Variants in SSBP3 observed in about 807,000 individuals in gnomAD.
SSBP3 encodes the protein single-stranded DNA-binding protein 3.
SSBP3 carries 5 observed loss-of-function variants against 69.6 expected under a neutral mutation model. That is an observed-to-expected ratio of 0.07 (90% CI 0.04 to 0.15). SSBP3 has a LOEUF of 0.15. Ranked by LOEUF, SSBP3 falls within the 10% of genes least tolerant of loss-of-function variation. The pLI is 1.00. For synonymous variants in SSBP3, 196 were observed against 193.4 expected (o/e 1.01, Z -0.11); for missense variants, 312 against 534.0 (o/e 0.58, Z 4.10).
Position 54,325,904 on chromosome 1 carries a change from G to A in SSBP3, c.277-44377C>T, listed in dbSNP as rs561270417. 1.1e-4 allele frequency among the ~76,000 whole-genome samples: 17 copies of A among 152,220 alleles called. No individual in the cohort carries two copies. In the South Asian group the frequency reaches 3.5e-3, roughly 32 times the overall value. ...CAAAGATAATCAAAGGGAAAATCCT[G>A]CTTGACATCAGGGGATTGTACTCTC... On this transcript the variant is annotated intron_variant, in intron 4 of 17. Transcript: ENST00000610401.
At chr1:54,343,544 C>T (rs189922303) in intron 4 of SSBP3, among the ~76,000 whole-genome samples, 62 of 152,360 alleles carry the variant, frequency 4.1e-4, no homozygotes, top group Middle Eastern at 6.8e-3. Flanking sequence ...GGGAGCAGGT[C>T]TGCCTCTGAA....
At chr1:54,232,709 C>A (rs938144139) in intron 14 of SSBP3, among the ~76,000 whole-genome samples, 1 of 151,694 alleles carries the variant, frequency 6.6e-6, no homozygotes, top group African/African-American at 2.4e-5. Flanking sequence ...TCTCCTGCCT[C>A]AGCCTGCCGA....
At chr1:54,250,781 T>C (rs1378203060) in intron 9 of SSBP3, among the ~76,000 whole-genome samples, 1 of 152,144 alleles carries the variant, frequency 6.6e-6, no homozygotes, top group South Asian at 2.1e-4. Context: ...ACGGCTACTA[T>C]AGGAAACAGA....
At chr1:54,245,532 C>T (rs866589954) in intron 9 of SSBP3, among the ~76,000 whole-genome samples, 16 of 152,328 alleles carry the variant, frequency 1.1e-4, no homozygotes, top group African/African-American at 3.8e-4. Flanking sequence ...AATCTCACCA[C>T]CCTGGGGCCA....
intron 4 of SSBP3, among the ~76,000 whole-genome samples, chr1:54,366,860 C>T (rs796617484): frequency 3.3e-5 from 5 of 152,106 alleles, no homozygotes; most frequent in South Asian, 4.1e-4. Flanking sequence ...CTTCCTGGAC[C>T]GAAAGCTTGG....
intron 9 of SSBP3, among the ~76,000 whole-genome samples, chr1:54,249,907 C>T (rs879074440): frequency 2.0e-5 from 3 of 152,082 alleles, no homozygotes; most frequent in Admixed American, 6.5e-5. Flanking sequence ...ATGGGCTGGG[C>T]GGTGGCATTC....
chr1:54,289,997 C>T (rs1645575457), intron 4 of SSBP3, among the ~76,000 whole-genome samples: 1 of 152,186 alleles, frequency 6.6e-6, no homozygotes, highest in Admixed American at 6.5e-5. Flanking sequence ...TCCACAGTCA[C>T]TACCAGAACT....
At chr1:54,256,097 G>A (rs981014992) in intron 7 of SSBP3, among the ~76,000 whole-genome samples, 1 of 151,732 alleles carries the variant, frequency 6.6e-6, no homozygotes, top group African/African-American at 2.4e-5. Context: ...AAGACAATTG[G>A]AGACCCCTGG....
intron 4 of SSBP3, among the ~76,000 whole-genome samples, chr1:54,318,433 T>C (rs895543610): frequency 4.6e-5 from 7 of 152,070 alleles, no homozygotes; most frequent in Admixed American, 4.6e-4. Flanking sequence ...CAGGGTAGGA[T>C]TAAGTTTTTT....
At chr1:54,256,603 C>T (rs1382481167) in intron 7 of SSBP3, among the ~76,000 whole-genome samples, 1 of 152,184 alleles carries the variant, frequency 6.6e-6, no homozygotes, top group East Asian at 1.9e-4. Context: ...GGGAAGCAGG[C>T]AGACATTGCT....
chr1:54,370,272 C>A (rs934617035), intron 4 of SSBP3, among the ~76,000 whole-genome samples: 10 of 152,186 alleles, frequency 6.6e-5, no homozygotes, highest in African/African-American at 2.4e-5. Flanking sequence ...ATCCAAACGA[C>A]CAGGAAACAA....
intron 4 of SSBP3, among the ~76,000 whole-genome samples, chr1:54,377,964 C>G (rs576916294): frequency 7.1e-4 from 108 of 152,202 alleles, no homozygotes; most frequent in African/African-American, 2.5e-3. Context: ...AAAAATACTT[C>G]CAGCAATAAT....
At position 54,258,619 on chromosome 1, in the gene SSBP3, G is replaced by A. The variant is rs1327496868; in HGVS notation, c.367-470C>T. On this transcript the variant is annotated intron_variant, in intron 5 of 17. Coordinates refer to ENST00000610401, the Ensembl canonical transcript of SSBP3. This position sits in a 1 kb window ranked among gnomAD's most constrained non-coding sequence, Gnocchi z 4.5. ...AGGAGCTCACAGTCTGGGGGACAGT[G>A]ACACGGCTATGGGTGACTCGAGGCA... is the stretch of plus-strand genomic sequence containing the variant. Among the ~76,000 whole-genome samples, 4 of 152,188 alleles carry A rather than the reference G, an allele frequency of 2.6e-5. No homozygotes were observed. The highest frequency in any genetic ancestry group is 2.9e-5 in the Non-Finnish European group (2 of 68,042).
Position 54,396,009 on chromosome 1 carries a change from G to A in SSBP3, c.276+5852C>T, listed in dbSNP as rs1198611632. ...AGTTCGAGACCAGCCTGGCCAAGAT[G>A]GCGAAACCCTGTCTCTACTAAAAAT... On this transcript the variant is annotated intron_variant, in intron 4 of 17. Coordinates refer to ENST00000610401, the Ensembl canonical transcript of SSBP3. Among the ~76,000 whole-genome samples, 3 of 152,090 alleles carry A rather than the reference G, an allele frequency of 2.0e-5. No individual in the cohort carries two copies. In the East Asian group the frequency reaches 5.8e-4, roughly 30 times the overall value.
intron 4 of SSBP3, among the ~76,000 whole-genome samples, chr1:54,313,435 CTTTTTT>C (rs752753963): frequency 1.0e-4 from 9 of 86,412 alleles, no homozygotes; most frequent in South Asian, 7.6e-4. Flanking sequence ...TGTGCCTGTG[CTTTTTT>C]TTTTTTTTTT....
chr1:54,249,336 T>A (rs1313604688), intron 9 of SSBP3, among the ~76,000 whole-genome samples: 1 of 152,190 alleles, frequency 6.6e-6, no homozygotes, highest in Admixed American at 6.5e-5. Flanking sequence ...TGGTTTTCAG[T>A]CCCTAAAGTT....
At chr1:54,228,219 T>TGGGGACGAGAGCAACAGGCA (rs1557434449) in intron 17 of SSBP3, 36 bp downstream of exon 17, 1 of 1,590,230 alleles carries the variant, frequency 6.3e-7, no homozygotes, top group East Asian at 2.2e-5. Flanking sequence ...CCCCAGGCCG[T>TGGGGACGAGAGCAACAGGCA]GGGGACGAGA....
chr1:54,408,804 A>G (rs890121508), upstream of SSBP3, among the ~76,000 whole-genome samples: 1 of 152,158 alleles, frequency 6.6e-6, no homozygotes, highest in Non-Finnish European at 1.5e-5. Context: ...GCAAGAAGAG[A>G]GGGGTAGGGT....
intron 5 of SSBP3, among the ~76,000 whole-genome samples, chr1:54,276,014 T>A (rs1323303813): frequency 6.6e-6 from 1 of 152,142 alleles, no homozygotes; most frequent in Non-Finnish European, 1.5e-5. Flanking sequence ...TCTCTCCCCA[T>A]AACCAATGGG....
Sources: gnomAD v4.1 joint callset for allele counts (sites outside exome capture counted in the v4.1 genomes callset) on GRCh38, gnomAD v4.1.1 for gene constraint, Gnocchi (gnomAD v3.1) non-coding constraint, MANE v1.5 for transcripts, NCBI Gene and HGNC (gene_info 2026-07-23, HGNC 2026-07-21) for gene names.